The following MYOCD variants were observed in gnomAD, a reference collection of about 807,000 sequenced individuals.
MYOCD encodes myocardin.
In MYOCD, 32 loss-of-function variants were observed where a neutral mutation model predicts 96.1. The ratio of observed to expected loss-of-function variants is 0.33; its 90% CI spans 0.25 to 0.45. The LOEUF (loss-of-function observed/expected upper bound fraction) is 0.45, where lower values mean the gene tolerates loss of function less well. Ranked by LOEUF, MYOCD falls within the 20% of genes least tolerant of loss-of-function variation. The pLI is 1.00. For missense variants in MYOCD, 1,133 were observed against 1,200.6 expected, an observed-to-expected ratio of 0.94 and a Z score of 0.83; for synonymous variants, 469 against 469.0, an observed-to-expected ratio of 1.00 and a Z score of 0.00.
At chr17:12,762,920 G>A in intron 13 of MYOCD, 153 bp from the exon 14 acceptor site, 1 of 621,256 alleles carries the variant, frequency 1.6e-6, no homozygotes, top group Non-Finnish European at 2.8e-6. Flanking sequence ...AAGATGAATT[G>A]GAGATTGATA....
intron 1 of MYOCD, among the ~76,000 whole-genome samples, chr17:12,704,516 A>G (rs1000808981): frequency 2.0e-5 from 3 of 152,226 alleles, no homozygotes; most frequent in African/African-American, 7.2e-5. Context: ...GCACAACTCC[A>G]ATAGTCCTTC....
At chr17:12,739,738 T>C (rs2032451979) in intron 7 of MYOCD, among the ~76,000 whole-genome samples, 1 of 152,210 alleles carries the variant, frequency 6.6e-6, no homozygotes, top group Admixed American at 6.5e-5. Context: ...AAAACTTACA[T>C]CATTCAAGCC....
intron 1 of MYOCD, among the ~76,000 whole-genome samples, chr17:12,701,778 T>C (rs866758672): frequency 3.9e-5 from 6 of 152,216 alleles, no homozygotes; most frequent in South Asian, 4.1e-4. Context: ...TTTTTTATTA[T>C]TCGGTTTAAA....
Position 12,753,130 on chromosome 17 carries a change from T to C in MYOCD, c.1842T>C (p.Cys614=). 6.2e-7 allele frequency: 1 copy of C among 1,614,200 alleles called. No homozygotes were observed. Among genetic ancestry groups the C allele is most frequent in the Non-Finnish European group, 8.5e-7 (1 of 1,180,038 alleles). Residue 614 remains cysteine, a synonymous_variant, in exon 10 of 14, where the codon TGT becomes TGC. Coordinates refer to ENST00000425538, the MANE Select transcript of MYOCD (RefSeq NM_001146312.3). Reference sequence around the variant, plus strand: ...TCCAGCCTCTTGGAAATGCTCATTGTGTGGAGTCCTCAGATCAAACCAATG... The same window carrying C: ...TCCAGCCTCTTGGAAATGCTCATTGCGTGGAGTCCTCAGATCAAACCAATG... ...AQLQPLGNAH[C]VESSDQTNVL...
At chr17:12,684,360 A>G (rs1007694292) in intron 1 of MYOCD, among the ~76,000 whole-genome samples, 1 of 152,158 alleles carries the variant, frequency 6.6e-6, no homozygotes, top group Admixed American at 6.5e-5. Context: ...CTCTTTCTAC[A>G]GGAGAAAGTG....
intron 9 of MYOCD, among the ~76,000 whole-genome samples, chr17:12,747,437 G>A (rs1013357492): frequency 5.3e-5 from 8 of 152,122 alleles, no homozygotes; most frequent in African/African-American, 1.9e-4. Flanking sequence ...GGAAAGTCAA[G>A]TCGCGGGTAC....
At chr17:12,699,490 A>AGAT (rs1402174189) in intron 1 of MYOCD, among the ~76,000 whole-genome samples, 2 of 152,194 alleles carry the variant, frequency 1.3e-5, no homozygotes, top group African/African-American at 4.8e-5. Flanking sequence ...ACTTACTTAA[A>AGAT]GATGATGCCC....
chr17:12,743,001 A>G (rs1326644175), intron 7 of MYOCD, among the ~76,000 whole-genome samples: 1 of 152,166 alleles, frequency 6.6e-6, no homozygotes. Flanking sequence ...TTATTTCAAT[A>G]TTATCTTTTA....
chr17:12,754,314 G>C (rs1479527863), intron 10 of MYOCD, among the ~76,000 whole-genome samples: 6 of 152,218 alleles, frequency 3.9e-5, no homozygotes, highest in African/African-American at 9.6e-5. Flanking sequence ...ATGTTGGCCA[G>C]GCTGGTCTCT....
intron 1 of MYOCD, among the ~76,000 whole-genome samples, chr17:12,695,413 A>AG (rs1404257387): frequency 6.6e-6 from 1 of 152,254 alleles, no homozygotes; most frequent in Non-Finnish European, 1.5e-5. Context: ...TTGAGGATTA[A>AG]GATCGCAACA....
intron 8 of MYOCD, among the ~76,000 whole-genome samples, chr17:12,745,278 T>C (rs1261380038): frequency 6.6e-6 from 1 of 152,142 alleles, no homozygotes; most frequent in Non-Finnish European, 1.5e-5. Flanking sequence ...GGCGCGATCT[T>C]GGCTCACCGC....
chr17:12,669,153 A>G (rs1311238307), intron 1 of MYOCD, among the ~76,000 whole-genome samples: 1 of 152,176 alleles, frequency 6.6e-6, no homozygotes, highest in African/African-American at 2.4e-5. Flanking sequence ...CATGTTGTTT[A>G]TTCAATATCT....
intron 12 of MYOCD, among the ~76,000 whole-genome samples, chr17:12,759,900 C>T (rs1048869850): frequency 2.0e-5 from 3 of 152,172 alleles, no homozygotes; most frequent in Admixed American, 6.5e-5. Context: ...ACAACTGAAC[C>T]GACTCTAAAG....
chr17:12,712,012 C>T (rs1243918809), intron 2 of MYOCD, among the ~76,000 whole-genome samples: 1 of 151,354 alleles, frequency 6.6e-6, no homozygotes, highest in Non-Finnish European at 1.5e-5. Context: ...CAACCTCTGC[C>T]GCCTGGGTTC....
intron 9 of MYOCD, among the ~76,000 whole-genome samples, chr17:12,751,553 T>A (rs991419281): frequency 6.6e-6 from 1 of 152,348 alleles, no homozygotes; most frequent in Non-Finnish European, 1.5e-5. Flanking sequence ...TGAATTAACA[T>A]AATAATATTA....
rs947357961 is a variant in MYOCD, at chr17:12,666,113, G to A, written c.-76G>A. 71 of 1,115,032 alleles carry A rather than the reference G, an allele frequency of 6.4e-5. No homozygotes were observed. Among genetic ancestry groups the A allele is most frequent in the Non-Finnish European group, 8.5e-5 (62 of 731,954 alleles). 69.1% of individuals were successfully genotyped at this position (1,115,032 alleles called of 1,614,324 possible). A position where few individuals can be genotyped will look rare whatever the true frequency, so the allele number is the denominator to read the frequency against. Reference sequence around the variant, plus strand: ...TCTGGGTTGTTAGCTGCGGTCAGCTGGGCTCCCGGGAGCCTGTTGCTGGTG... The same window carrying A: ...TCTGGGTTGTTAGCTGCGGTCAGCTAGGCTCCCGGGAGCCTGTTGCTGGTG... On this transcript the variant is annotated 5_prime_UTR_variant, in exon 1 of 14. The change creates a premature stop within an existing upstream ORF in the 5' untranslated region. Transcript: ENST00000425538.
intron 4 of MYOCD, among the ~76,000 whole-genome samples, chr17:12,722,267 C>G (rs966952422): frequency 1.3e-5 from 2 of 152,164 alleles, no homozygotes; most frequent in African/African-American, 2.4e-5. Context: ...TGTACGTGAC[C>G]TTTCACACCC....
chr17:12,708,656 G>T (rs868485311), intron 2 of MYOCD, among the ~76,000 whole-genome samples: 3 of 152,160 alleles, frequency 2.0e-5, no homozygotes, highest in Middle Eastern at 3.2e-3. Flanking sequence ...TTCCCAAAGT[G>T]CTGGGATTAC....
At chr17:12,719,685 T>C (rs1413353830) in intron 4 of MYOCD, among the ~76,000 whole-genome samples, 2 of 129,054 alleles carry the variant, frequency 1.5e-5, no homozygotes, top group Admixed American at 8.4e-5. Flanking sequence ...AAACCCCGTC[T>C]GTACTAAAAA....
Sources: allele counts gnomAD v4.1 joint callset (sites outside exome capture counted in the v4.1 genomes callset), GRCh38; gene constraint gnomAD v4.1.1; transcripts MANE v1.5; gene names NCBI Gene and HGNC (gene_info 2026-07-23, HGNC 2026-07-21).